Variants in NUMB observed in about 807,000 individuals in gnomAD.
NUMB encodes NUMB endocytic adaptor protein.
A neutral mutation model predicts 59.7 loss-of-function variants in NUMB; 29 were observed. The ratio of observed to expected loss-of-function variants is 0.49; its 90% CI spans 0.36 to 0.66. The LOEUF is 0.66. Ranked by LOEUF, NUMB falls within the 30% of genes least tolerant of loss-of-function variation. The pLI is 0.00. For synonymous variants in NUMB, 288 were observed against 288.2 expected, an observed-to-expected ratio of 1.00 and a Z score of 0.01; for missense variants, 723 against 822.0, an observed-to-expected ratio of 0.88 and a Z score of 1.47.
At chr14:73,289,646 T>C (rs1889257056) in intron 8 of NUMB, among the ~76,000 whole-genome samples, 2 of 152,254 alleles carry the variant, frequency 1.3e-5, no homozygotes, top group Non-Finnish European at 2.9e-5. Context: ...TTTACTACCT[T>C]TGACTACTTT....
chr14:73,349,320 G>A (rs970100689), intron 4 of NUMB, among the ~76,000 whole-genome samples: 1 of 152,100 alleles, frequency 6.6e-6, no homozygotes, highest in African/African-American at 2.4e-5. Context: ...GGGCACAGTG[G>A]CTCATACCTG....
At chr14:73,457,047 A>T (rs1595060488) in intron 1 of NUMB, among the ~76,000 whole-genome samples, 1 of 86,296 alleles carries the variant, frequency 1.2e-5, no homozygotes, top group East Asian at 2.7e-4. Flanking sequence ...AACTCACATG[A>T]AAAAAAAAAC....
intron 3 of NUMB, among the ~76,000 whole-genome samples, chr14:73,355,991 G>A (rs1273960492): frequency 6.6e-6 from 1 of 150,688 alleles, no homozygotes; most frequent in African/African-American, 2.5e-5. Context: ...TTTACTTTTT[G>A]AAAAGACAAC....
intron 3 of NUMB, among the ~76,000 whole-genome samples, chr14:73,358,443 T>C (rs945204492): frequency 6.6e-6 from 1 of 152,160 alleles, no homozygotes; most frequent in African/African-American, 2.4e-5. Flanking sequence ...TACCCTAAAC[T>C]ACTTACAGTT....
At chr14:73,408,481 A>G (rs570335381) in intron 2 of NUMB, among the ~76,000 whole-genome samples, 1 of 152,230 alleles carries the variant, frequency 6.6e-6, no homozygotes, top group South Asian at 2.1e-4. Flanking sequence ...GTTCTTAAAA[A>G]CAACAACAAC....
chr14:73,305,398 T>G (rs1234993775), intron 6 of NUMB, among the ~76,000 whole-genome samples: 1 of 151,974 alleles, frequency 6.6e-6, no homozygotes, highest in African/African-American at 2.4e-5. Flanking sequence ...CGAATTCATT[T>G]TCTTTTTTTT....
intron 4 of NUMB, 32 bp from the exon 5 acceptor site, chr14:73,323,236 CTA>C: frequency 6.9e-7 from 1 of 1,443,756 alleles, no homozygotes; most frequent in Non-Finnish European, 9.7e-7. Flanking sequence ...AGGGCTATTG[CTA>C]TGTTTACCAA....
intron 5 of NUMB, among the ~76,000 whole-genome samples, chr14:73,318,504 A>T (rs1209781803): frequency 3.3e-5 from 5 of 152,238 alleles, no homozygotes; most frequent in Non-Finnish European, 5.9e-5. Context: ...GAGACATTTA[A>T]GAAACAATGG....
At chr14:73,293,985 A>C (rs1045447270) in intron 7 of NUMB, among the ~76,000 whole-genome samples, 1 of 152,172 alleles carries the variant, frequency 6.6e-6, no homozygotes, top group Admixed American at 6.5e-5. Context: ...GTCATCTTGA[A>C]GTTAGGTCTT....
At chr14:73,392,908 G>C (rs145649862) in intron 2 of NUMB, among the ~76,000 whole-genome samples, 1 of 152,016 alleles carries the variant, frequency 6.6e-6, no homozygotes, top group African/African-American at 2.4e-5. Context: ...TTTTCTGGGC[G>C]GGGGGAGTTC....
Position 73,284,280 on chromosome 14 carries a change from C to T in NUMB, c.750G>A (p.Thr250=), listed in dbSNP as rs750112509. The T allele has an allele frequency of 3.7e-6, 6 of 1,613,922 alleles. No individual in the cohort carries two copies. In the African/African-American group the frequency reaches 4.0e-5, roughly 11 times the overall value. The change falls in exon 10 of 13, where the codon ACG becomes ACA. Residue 250 remains threonine, a synonymous_variant. Transcript: ENST00000555238. The part of the protein sequence containing the change: ...SSPTSPTSDA[T]TSLEMNNPHA... ...GAGGATTGTTCATCTCCAGAGAGGT[C>T]GTGGCATCAGAAGTAGGAGAGGTGG... is the stretch of plus-strand genomic sequence containing the variant.
chr14:73,456,443 A>C (rs1289502766), intron 1 of NUMB, among the ~76,000 whole-genome samples: 2 of 152,228 alleles, frequency 1.3e-5, no homozygotes, highest in Non-Finnish European at 2.9e-5. Context: ...AATATATTTT[A>C]TCCTTTGGCC....
chr14:73,333,246 T>C (rs1330321201), intron 4 of NUMB, among the ~76,000 whole-genome samples: 1 of 152,178 alleles, frequency 6.6e-6, no homozygotes, highest in African/African-American at 2.4e-5. Flanking sequence ...CCAACACTTG[T>C]TGTTTTCTGT....
chr14:73,451,608 T>C (rs1018921791), intron 1 of NUMB, among the ~76,000 whole-genome samples: 2 of 152,034 alleles, frequency 1.3e-5, no homozygotes, highest in Non-Finnish European at 2.9e-5. Context: ...TTAAATAAAA[T>C]AAATTAAGTA....
chr14:73,438,007 C>T (rs1898129057), intron 1 of NUMB, among the ~76,000 whole-genome samples: 1 of 152,090 alleles, frequency 6.6e-6, no homozygotes, highest in Non-Finnish European at 1.5e-5. Context: ...ATCAAATTTG[C>T]AAATATTTTA....
intron 2 of NUMB, among the ~76,000 whole-genome samples, chr14:73,370,822 A>C (rs1214622169): frequency 1.3e-5 from 2 of 152,234 alleles, no homozygotes; most frequent in Non-Finnish European, 2.9e-5. Context: ...TGAATTCTAT[A>C]AATGAAGTCA....
At chr14:73,443,642 G>A (rs1415274423) in intron 1 of NUMB, among the ~76,000 whole-genome samples, 1 of 150,724 alleles carries the variant, frequency 6.6e-6, no homozygotes, top group Non-Finnish European at 1.5e-5. Context: ...AGGATTGATC[G>A]ATTGATGATT....
At position 73,385,326 on chromosome 14, in the gene NUMB, T is replaced by TTC. The variant is rs1895453921; in HGVS notation, c.-100-18346_-100-18345insGA. 6.8e-5 allele frequency among the ~76,000 whole-genome samples: 10 copies of TTC among 147,696 alleles called. No homozygotes were observed. The South Asian group carries it at 1.9e-3, about 29-fold the overall frequency. On this transcript the variant is annotated intron_variant, in intron 2 of 12. Coordinates refer to ENST00000555238, the MANE Select transcript of NUMB (RefSeq NM_001005743.2). ...GTTAATTCTTTTTTTTTTTTTTTTT[T>TTC]TGGTAGAGACAGAGTCTCGCTTTGT...
At chr14:73,380,705 T>C (rs1220044873) in intron 2 of NUMB, among the ~76,000 whole-genome samples, 1 of 150,860 alleles carries the variant, frequency 6.6e-6, no homozygotes, top group Non-Finnish European at 1.5e-5. Context: ...CACCACTGAT[T>C]GGGCACATTC....
Sources: gnomAD v4.1 joint callset for allele counts (sites outside exome capture counted in the v4.1 genomes callset) on GRCh38, gnomAD v4.1.1 for gene constraint, MANE v1.5 for transcripts, NCBI Gene and HGNC (gene_info 2026-07-23, HGNC 2026-07-21) for gene names.